Variants in NKAIN3 observed in about 807,000 individuals in gnomAD.
NKAIN3 encodes sodium/potassium-transporting ATPase subunit beta-1-interacting protein 3.
A neutral mutation model predicts 30.2 loss-of-function variants in NKAIN3; 25 were observed. The observed-to-expected ratio is 0.83, with a 90% CI of 0.60 to 1.16. The LOEUF is 1.16. Among genes scored for constraint, NKAIN3 ranks in the 50% most tolerant of loss-of-function variants. The pLI is 0.00. For missense variants in NKAIN3, 225 were observed against 254.1 expected, an observed-to-expected ratio of 0.89 and a Z score of 0.78; for synonymous variants, 91 against 89.6, an observed-to-expected ratio of 1.02 and a Z score of -0.09.
chr8:62,559,150 G>A (rs1318487650), intron 1 of NKAIN3, among the ~76,000 whole-genome samples: 1 of 151,672 alleles, frequency 6.6e-6, no homozygotes, highest in African/African-American at 2.4e-5. Context: ...ACTGCTTCTG[G>A]GTAGCAGAAG....
At chr8:62,309,230 G>A (rs990180406) in intron 1 of NKAIN3, among the ~76,000 whole-genome samples, 1 of 150,372 alleles carries the variant, frequency 6.7e-6, no homozygotes, top group African/African-American at 2.5e-5. Flanking sequence ...AGACAAATTT[G>A]TTTAATTATG....
At chr8:62,821,932 A>G (rs964596208) in intron 4 of NKAIN3, among the ~76,000 whole-genome samples, 8 of 152,040 alleles carry the variant, frequency 5.3e-5, no homozygotes, top group African/African-American at 1.7e-4. Flanking sequence ...ACCCCCCAGA[A>G]GCTGTACTTT....
chr8:62,362,593 C>G (rs1455658854), intron 1 of NKAIN3, among the ~76,000 whole-genome samples: 1 of 152,056 alleles, frequency 6.6e-6, no homozygotes, highest in Non-Finnish European at 1.5e-5. Flanking sequence ...CCAACAGCAG[C>G]AAAAGTGAAG....
intron 3 of NKAIN3, among the ~76,000 whole-genome samples, chr8:62,727,840 T>A (rs893770615): frequency 2.6e-5 from 4 of 152,200 alleles, no homozygotes; most frequent in African/African-American, 7.2e-5. Context: ...ATAAACTGTT[T>A]CTTTCTTTGT....
chr8:62,674,018 G>T (rs1036117187), intron 3 of NKAIN3, among the ~76,000 whole-genome samples: 1 of 152,184 alleles, frequency 6.6e-6, no homozygotes, highest in Non-Finnish European at 1.5e-5. Flanking sequence ...GTTTGTTGGT[G>T]TGTTGGCAGG....
At chr8:62,578,057 T>C (rs1810172210) in intron 1 of NKAIN3, among the ~76,000 whole-genome samples, 1 of 152,132 alleles carries the variant, frequency 6.6e-6, no homozygotes, top group Non-Finnish European at 1.5e-5. Flanking sequence ...AGCTGCAGTT[T>C]CCAGTGCCAT....
At chr8:62,580,935 G>C (rs1029594095) in intron 2 of NKAIN3, among the ~76,000 whole-genome samples, 1 of 139,970 alleles carries the variant, frequency 7.1e-6, no homozygotes, top group Non-Finnish European at 1.6e-5. Context: ...TAGAAATCCA[G>C]TGTCTACAAA....
rs535628676 is a variant in NKAIN3, at chr8:62,920,502, A to C, written c.532+1989A>C. On this transcript the variant is annotated intron_variant, in intron 5 of 6. Transcript: ENST00000623646. ...TAAAATAAAAGACTCATCTAAATGG[A>C]TACTTCTGTTAACTTTCTATTAGCC... is the stretch of plus-strand genomic sequence containing the variant. Among the ~76,000 whole-genome samples, 4 of 152,346 alleles carry C rather than the reference A, an allele frequency of 2.6e-5. No homozygotes were observed. The South Asian group carries it at 8.3e-4, about 32-fold the overall frequency.
chr8:62,458,392 A>G (rs1805886924), intron 1 of NKAIN3, among the ~76,000 whole-genome samples: 1 of 152,356 alleles, frequency 6.6e-6, no homozygotes, highest in South Asian at 2.1e-4. Context: ...AAATCACATC[A>G]AAACCTATTT....
At chr8:62,675,578 T>C (rs1443605160) in intron 3 of NKAIN3, among the ~76,000 whole-genome samples, 3 of 152,168 alleles carry the variant, frequency 2.0e-5, no homozygotes, top group African/African-American at 7.2e-5. Flanking sequence ...AATTCCATGC[T>C]GGGCTTTGAG....
intron 1 of NKAIN3, among the ~76,000 whole-genome samples, chr8:62,562,432 C>T (rs1809616835): frequency 6.6e-6 from 1 of 152,142 alleles, no homozygotes; most frequent in Non-Finnish European, 1.5e-5. Context: ...TGCAAGGTTA[C>T]AGCAGAAATA....
chr8:62,500,665 C>T (rs541998524), intron 1 of NKAIN3, among the ~76,000 whole-genome samples: 15 of 152,108 alleles, frequency 9.9e-5, no homozygotes, highest in South Asian at 2.1e-4. Flanking sequence ...GAAACATAGG[C>T]TGTATTTGAC....
chr8:62,972,716 T>G lies in NKAIN3; in HGVS notation c.*7309T>G, dbSNP rs1373632818. Among the ~76,000 whole-genome samples, 1 of 152,186 alleles carries G rather than the reference T, an allele frequency of 6.6e-6. No individual in the cohort carries two copies. The highest frequency in any genetic ancestry group is 1.5e-5 in the Non-Finnish European group (1 of 68,030). ...TATACTTTAAGTTCTGGGATACATG[T>G]GCAGAATGTGCAGGTTTGTTACATA... On this transcript the variant is annotated 3_prime_UTR_variant, in exon 7 of 7. Coordinates refer to ENST00000623646, the MANE Select transcript of NKAIN3 (RefSeq NM_001304533.3).
chr8:62,312,555 C>A (rs758796233), intron 1 of NKAIN3, among the ~76,000 whole-genome samples: 1 of 150,580 alleles, frequency 6.6e-6, no homozygotes, highest in South Asian at 2.1e-4. Flanking sequence ...CGATGGCTCA[C>A]GTCTGTAATA....
At chr8:62,734,258 G>A (rs1028134066) in intron 3 of NKAIN3, among the ~76,000 whole-genome samples, 1 of 152,178 alleles carries the variant, frequency 6.6e-6, no homozygotes, top group Non-Finnish European at 1.5e-5. Context: ...ACTCCAGCCT[G>A]GGTGACAGAG....
intron 3 of NKAIN3, among the ~76,000 whole-genome samples, chr8:62,593,516 T>C (rs1308705725): frequency 6.6e-6 from 1 of 151,804 alleles, no homozygotes; most frequent in Non-Finnish European, 1.5e-5. Flanking sequence ...AAAAGATTAA[T>C]AAACTAACAA....
At chr8:62,882,924 C>T (rs527335358) in intron 4 of NKAIN3, among the ~76,000 whole-genome samples, 10 of 152,164 alleles carry the variant, frequency 6.6e-5, no homozygotes, top group Middle Eastern at 3.4e-3. Context: ...TATTTCTGTG[C>T]CAATACCACT....
chr8:62,729,494 T>C (rs1183593588), intron 3 of NKAIN3, among the ~76,000 whole-genome samples: 1 of 152,164 alleles, frequency 6.6e-6, no homozygotes, highest in African/African-American at 2.4e-5. Flanking sequence ...ACTCTTACCA[T>C]ATGATCTAGC....
chr8:62,454,864 G>A (rs1462275312), intron 1 of NKAIN3, among the ~76,000 whole-genome samples: 1 of 152,178 alleles, frequency 6.6e-6, no homozygotes, highest in South Asian at 2.1e-4. Flanking sequence ...AAGAATTCGA[G>A]GTCAGCAGCA....
Sources: allele counts gnomAD v4.1 joint callset (sites outside exome capture counted in the v4.1 genomes callset), GRCh38; gene constraint gnomAD v4.1.1; transcripts MANE v1.5; gene names NCBI Gene and HGNC (gene_info 2026-07-23, HGNC 2026-07-21).